Variants in ZNF682 observed in about 807,000 individuals in gnomAD.
ZNF682 encodes the protein zinc finger protein 682.
ZNF682 carries 29 observed loss-of-function variants against 36.5 expected under a neutral mutation model. The ratio of observed to expected loss-of-function variants is 0.80; its 90% CI spans 0.59 to 1.08. The LOEUF (loss-of-function observed/expected upper bound fraction) is 1.08, where lower values mean the gene tolerates loss of function less well. Among genes scored for constraint, ZNF682 ranks in the 50% least tolerant of loss-of-function variants. The probability of loss-of-function intolerance (pLI) is 0.00; values close to 1 mark genes in which losing one functional copy is unlikely to be tolerated. For missense variants in ZNF682, 561 were observed against 579.7 expected, an observed-to-expected ratio of 0.97 and a Z score of 0.33; for synonymous variants, 180 against 197.0, an observed-to-expected ratio of 0.91 and a Z score of 0.72.
At chr19:20,019,713 T>C (rs2088367413) in intron 3 of ZNF682, among the ~76,000 whole-genome samples, 1 of 152,146 alleles carries the variant, frequency 6.6e-6, no homozygotes, top group Non-Finnish European at 1.5e-5. Flanking sequence ...CCAACAGGTA[T>C]GAGAAAAGGA....
downstream of ZNF682, among the ~76,000 whole-genome samples, chr19:20,004,108 A>G (rs1274569028): frequency 2.6e-5 from 4 of 152,234 alleles, no homozygotes; most frequent in Non-Finnish European, 5.9e-5. Context: ...AAAATGTGAG[A>G]TAACATCTTC....
intron 1 of ZNF682, among the ~76,000 whole-genome samples, chr19:20,028,213 G>GGTTTGTTTGTTTA (rs1555787714): frequency 1.7e-4 from 25 of 151,514 alleles, no homozygotes; most frequent in Non-Finnish European, 3.4e-4. Context: ...TGATTCTGCA[G>GGTTTGTTTGTTTA]GTTTGTTTGT....
At chr19:19,999,464 T>G (rs1354453439), downstream of ZNF682, among the ~76,000 whole-genome samples, 1 of 152,218 alleles carries the variant, frequency 6.6e-6, no homozygotes, top group Non-Finnish European at 1.5e-5. Flanking sequence ...AATATGGCCA[T>G]CTGAAGCCTG....
intron 3 of ZNF682, among the ~76,000 whole-genome samples, chr19:20,019,004 A>T (rs2088361543): frequency 6.6e-6 from 1 of 152,214 alleles, no homozygotes; most frequent in African/African-American, 2.4e-5. Flanking sequence ...CACATATTTG[A>T]TAGGAGTTAA....
chr19:20,032,210 G>C (rs1447536811), intron 1 of ZNF682, among the ~76,000 whole-genome samples: 2 of 152,152 alleles, frequency 1.3e-5, no homozygotes, highest in African/African-American at 4.8e-5. Flanking sequence ...TCAGATTTAG[G>C]TTGCAGAGGT....
chr19:20,002,961 C>T (rs969086941), downstream of ZNF682, among the ~76,000 whole-genome samples: 54 of 151,942 alleles, frequency 3.6e-4, 1 homozygote, highest in African/African-American at 1.1e-3. Context: ...GAGGCTGAGG[C>T]GGGCGGATCA....
downstream of ZNF682, among the ~76,000 whole-genome samples, chr19:20,002,679 A>C (rs947798112): frequency 2.6e-5 from 4 of 152,166 alleles, no homozygotes; most frequent in Non-Finnish European, 4.4e-5. Flanking sequence ...ACTCACTCCA[A>C]TTGGAACACT....
chr19:20,006,569 T>C lies in ZNF682; in HGVS notation c.933A>G (p.Lys311=), dbSNP rs2088223080. 2 of 1,614,182 alleles carry C rather than the reference T, an allele frequency of 1.2e-6. No individual in the cohort carries two copies. Among genetic ancestry groups the C allele is most frequent in the Non-Finnish European group, 1.7e-6 (2 of 1,180,020 alleles). ...TKHKTIHTGK[K]PYKCKECGKA... ...TCCCACATTCTTTACATTTGTAGGGTTTCTTTCCAGTGTGAATTGTCTTAT... is the reference window on the plus strand; with the variant it reads ...TCCCACATTCTTTACATTTGTAGGGCTTCTTTCCAGTGTGAATTGTCTTAT... The change falls in exon 4 of 4, where the codon AAA becomes AAG. Residue 311 remains lysine, a synonymous_variant. Coordinates refer to ENST00000397165, the MANE Select transcript of ZNF682 (RefSeq NM_033196.3).
chr19:20,004,331 G>T (rs575185360), downstream of ZNF682: 11 of 152,254 alleles, frequency 7.2e-5, no homozygotes, highest in East Asian at 1.9e-3. Flanking sequence ...ATAGTATGTT[G>T]TTACCGTCTG....
chr19:20,033,021 T>G (rs2088493339), intron 1 of ZNF682, among the ~76,000 whole-genome samples: 1 of 152,168 alleles, frequency 6.6e-6, no homozygotes, highest in Non-Finnish European at 1.5e-5. Context: ...ATCCCAGCAC[T>G]TTGGGAGGCC....
downstream of ZNF682, among the ~76,000 whole-genome samples, chr19:19,999,831 GCCTACACCATAATTTTT>G: frequency 6.6e-6 from 1 of 151,884 alleles, no homozygotes; most frequent in South Asian, 2.1e-4. Flanking sequence ...ACTGCACCCA[GCCTACACCATAATTTTT>G]ATATGTTTTG....
At chr19:20,013,843 G>A (rs1003676451) in intron 3 of ZNF682, among the ~76,000 whole-genome samples, 2 of 152,184 alleles carry the variant, frequency 1.3e-5, no homozygotes, top group Non-Finnish European at 2.9e-5. Context: ...GCCTCCCAAA[G>A]TGCTGGGATT....
intron 3 of ZNF682, 144 bp from the exon 4 acceptor site, chr19:20,007,419 A>G: frequency 1.4e-6 from 1 of 705,740 alleles, no homozygotes; most frequent in South Asian, 2.4e-5. Context: ...AAGGAGAGAA[A>G]ACAAAATGTT....
At position 20,028,979 on chromosome 19, in the gene ZNF682, A is replaced by ATTT. The variant is rs10651551; in HGVS notation, c.4-4606_4-4604dup. Among the ~76,000 whole-genome samples the ATTT allele has an allele frequency of 7.0e-3, 973 of 138,764 alleles. 20 individuals are homozygous for ATTT. Among genetic ancestry groups the ATTT allele is most frequent in the African/African-American group, 0.015 (554 of 37,640 alleles). The allele number at this position is 138,764 out of a possible 152,430, so 91.0% of individuals were successfully genotyped here. On this transcript the variant is annotated intron_variant, in intron 1 of 3. Coordinates refer to ENST00000397165, the MANE Select transcript of ZNF682 (RefSeq NM_033196.3). Reference sequence around the variant, plus strand: ...TAAATTTCTTCTTGTTCTATCACTGATTTTTTTTTTTTTTTTGGAGATAGA... The same window carrying ATTT: ...TAAATTTCTTCTTGTTCTATCACTGATTTTTTTTTTTTTTTTTTTGGAGATAGA...
Position 20,023,075 on chromosome 19 carries a change from A to G in ZNF682, c.155T>C (p.Leu52Pro), listed in dbSNP as rs767577737. 6.2e-6 allele frequency: 10 copies of G among 1,614,026 alleles called. No homozygotes were observed. Among genetic ancestry groups the G allele is most frequent in the Non-Finnish European group, 8.5e-6 (10 of 1,179,942 alleles). ...SLGLTVSKPE[L>P]ISRLEQRQEP... is the part of the protein sequence containing the mutation. ...CTGTCTTTGCTCCAGACGGCTAATC[A>G]GTTCTGGCTTAGAAACAGTAAGACC... The change falls in exon 3 of 4, where the codon CTG (leucine) becomes CCG (proline). Residue 52 changes from leucine (L) to proline (P), a missense_variant. Physicochemically the swap from Leu to Pro is moderately conservative, Grantham distance 98. Coordinates refer to ENST00000397165, the MANE Select transcript of ZNF682 (RefSeq NM_033196.3).
intron 1 of ZNF682, among the ~76,000 whole-genome samples, chr19:20,034,868 G>A (rs1372143272): frequency 1.3e-5 from 2 of 152,058 alleles, no homozygotes; most frequent in Admixed American, 6.6e-5. Context: ...AGGCTGAGGC[G>A]GGCAGATAGC....
chr19:20,026,095 G>A (rs889178799), intron 1 of ZNF682, among the ~76,000 whole-genome samples: 14 of 152,146 alleles, frequency 9.2e-5, no homozygotes, highest in African/African-American at 3.4e-4. Context: ...AAGGTCAGGA[G>A]ATCGAGACCA....
chr19:20,016,196 A>G (rs1659650041), intron 3 of ZNF682, among the ~76,000 whole-genome samples: 1 of 152,194 alleles, frequency 6.6e-6, no homozygotes, highest in Admixed American at 6.5e-5. Context: ...CTGTACTGTC[A>G]GCTACTTGGG....
chr19:20,002,098 A>G (rs994186263), downstream of ZNF682, among the ~76,000 whole-genome samples: 6 of 151,790 alleles, frequency 4.0e-5, no homozygotes, highest in African/African-American at 1.5e-4. Context: ...TTTCTTTTTT[A>G]TTTTTTAAGG....
Sources: gnomAD v4.1 joint callset for allele counts (sites outside exome capture counted in the v4.1 genomes callset) on GRCh38, gnomAD v4.1.1 for gene constraint, MANE v1.5 for transcripts, NCBI Gene and HGNC (gene_info 2026-07-23, HGNC 2026-07-21) for gene names.